ZPLD1: variants seen among roughly 807,000 people sequenced by gnomAD.
The protein encoded by ZPLD1 is zona pellucida-like domain-containing protein 1.
In ZPLD1, 34 loss-of-function variants were observed where a neutral mutation model predicts 47.2. That is an observed-to-expected ratio of 0.72 (90% CI 0.55 to 0.96). The LOEUF (loss-of-function observed/expected upper bound fraction) is 0.96, where lower values mean the gene tolerates loss of function less well. Ranked by LOEUF, ZPLD1 falls within the 40% of genes least tolerant of loss-of-function variation. The pLI, the probability that ZPLD1 is intolerant of heterozygous loss-of-function variation, is 0.00. For missense variants in ZPLD1, 512 were observed against 505.8 expected (o/e 1.01, Z -0.12); for synonymous variants, 176 against 186.2 (o/e 0.95, Z 0.45).
chr3:102,454,393 A>G (rs905578380), intron 4 of ZPLD1, among the ~76,000 whole-genome samples: 1 of 152,144 alleles, frequency 6.6e-6, no homozygotes, highest in Non-Finnish European at 1.5e-5. Context: ...CTATGTGGAG[A>G]TGAGCAGCAT....
chr3:102,447,313 T>A (rs1223524572), intron 3 of ZPLD1, among the ~76,000 whole-genome samples: 9 of 152,114 alleles, frequency 5.9e-5, no homozygotes, highest in African/African-American at 1.9e-4. Flanking sequence ...ATCCACCCAC[T>A]TCGGCCTTCC....
rs1462855994 is a variant in ZPLD1 at position 102,444,873 on chromosome 3, GGA to G, written c.106+6281_106+6282del. ...CAATACTAATGTGATGATATTCACA[GGA>G]ATCTCTGCATCTGAACCGTACAGAG... On this transcript the variant is annotated intron_variant, in intron 3 of 11. Transcript: ENST00000466937. Among the ~76,000 whole-genome samples the G allele has an allele frequency of 7.4e-3, 1,122 of 152,200 alleles. 12 individuals are homozygous for G. Among genetic ancestry groups the G allele is most frequent in the African/African-American group, 0.025 (1,040 of 41,530 alleles).
rs141548819 is a variant in ZPLD1 at position 102,417,256 on chromosome 3, G to C, written c.-156-804G>C. Reference sequence around the variant, plus strand: ...GGAGTAATATAAATCAATACAAAAGGCTTCAATCTTCCACACAGTTATCCC... The same window carrying C: ...GGAGTAATATAAATCAATACAAAAGCCTTCAATCTTCCACACAGTTATCCC... On this transcript the variant is annotated intron_variant, in intron 7 of 17. Transcript: ENST00000491959. Among the ~76,000 whole-genome samples the C allele has an allele frequency of 6.3e-3, 954 of 152,032 alleles. 15 individuals carry two copies. Among genetic ancestry groups the C allele is most frequent in the African/African-American group, 0.022 (908 of 41,514 alleles).
intron 7 of ZPLD1, among the ~76,000 whole-genome samples, chr3:102,417,032 G>A (rs971481138): frequency 2.6e-5 from 4 of 151,610 alleles, no homozygotes; most frequent in Admixed American, 1.3e-4. Flanking sequence ...TTAAGAGGCC[G>A]AACTCTTAGA....
At chr3:102,470,871 C>T (rs745593412) in intron 10 of ZPLD1, among the ~76,000 whole-genome samples, 16 of 150,998 alleles carry the variant, frequency 1.1e-4, no homozygotes, top group South Asian at 6.3e-4. Context: ...CTCCGCCTCC[C>T]GGGTTCAAGA....
At chr3:102,417,674 T>C (rs1706824847) in intron 7 of ZPLD1, among the ~76,000 whole-genome samples, 2 of 151,964 alleles carry the variant, frequency 1.3e-5, no homozygotes, top group South Asian at 2.1e-4. Context: ...GCATGAAATG[T>C]AGTATTGAAA....
chr3:102,425,986 C>G (rs895650256), intron 8 of ZPLD1, among the ~76,000 whole-genome samples: 3 of 151,604 alleles, frequency 2.0e-5, no homozygotes, highest in Non-Finnish European at 4.4e-5. Flanking sequence ...GTGAGTTATT[C>G]AAGATACCAC....
At chr3:102,424,261 T>G (rs1361321396) in intron 8 of ZPLD1, among the ~76,000 whole-genome samples, 2 of 152,142 alleles carry the variant, frequency 1.3e-5, no homozygotes, top group Non-Finnish European at 2.9e-5. Context: ...GCATTTCCTT[T>G]CTCTGCCATC....
intron 8 of ZPLD1, among the ~76,000 whole-genome samples, chr3:102,419,604 C>A (rs1706852091): frequency 6.6e-6 from 1 of 151,474 alleles, no homozygotes; most frequent in Admixed American, 6.6e-5. Context: ...CTTAAAAGGG[C>A]CTATAATAAT....
In ZPLD1 at chr3:102,470,448, C is replaced by T. The variant is rs777012894; in HGVS notation, c.988C>T (p.Gln330Ter). 1 of 1,614,058 alleles carries T rather than the reference C, an allele frequency of 6.2e-7. No homozygotes were observed. The highest frequency in any genetic ancestry group is 8.5e-7 in the Non-Finnish European group (1 of 1,180,014). Residue 330 changes from glutamine to a stop codon, truncating the protein, a stop_gained, in exon 10 of 12, where the codon CAG becomes TAG. Coordinates refer to ENST00000466937, the MANE Select transcript of ZPLD1 (RefSeq NM_001329788.2). LOFTEE classifies it high-confidence loss of function. ...DAGRRTTWSPQSSSGSAVLSA... is the reference protein window; with the variant it reads ...DAGRRTTWSP The stretch of plus-strand genomic sequence containing the variant: ...TGGGAGGAGGACGACTTGGAGCCCC[C>T]AGAGCTCTTCTGGCAGCGCGGTGCT...
intron 7 of ZPLD1, among the ~76,000 whole-genome samples, chr3:102,394,335 A>G (rs1706533843): frequency 6.6e-6 from 1 of 152,150 alleles, no homozygotes; most frequent in African/African-American, 2.4e-5. Context: ...ATAACATCAA[A>G]CACCCACAGT....
chr3:102,435,018 AG>A lies in ZPLD1; in HGVS notation c.-256del, dbSNP rs1204776846. On this transcript the variant is annotated 5_prime_UTR_variant, in exon 1 of 12. Coordinates refer to ENST00000466937, the MANE Select transcript of ZPLD1 (RefSeq NM_001329788.2). The stretch of plus-strand genomic sequence containing the variant: ...GATGATATGTTTTTGAGGAATGTAA[AG>A]GGTGTTAACATAATCCCCCAATCCC... The A allele has an allele frequency of 8.9e-6, 12 of 1,347,810 alleles. No individual in the cohort carries two copies. Among genetic ancestry groups the A allele is most frequent in the Non-Finnish European group, 9.5e-6 (9 of 944,002 alleles). 83.5% of individuals were successfully genotyped at this position (1,347,810 alleles called of 1,614,324 possible). A position where few individuals can be genotyped will look rare whatever the true frequency, so the allele number is the denominator to read the frequency against.
chr3:102,404,148 A>G (rs1333097675), intron 7 of ZPLD1, among the ~76,000 whole-genome samples: 1 of 151,982 alleles, frequency 6.6e-6, no homozygotes, highest in Admixed American at 6.6e-5. Flanking sequence ...CTTATTTACA[A>G]GGTTAATTCC....
At chr3:102,410,369 T>C (rs1706736200) in intron 7 of ZPLD1, among the ~76,000 whole-genome samples, 1 of 151,792 alleles carries the variant, frequency 6.6e-6, no homozygotes, top group Non-Finnish European at 1.5e-5. Flanking sequence ...TTTCTATTAC[T>C]ACACAGATTA....
chr3:102,465,429 C>T (rs1012631047), intron 8 of ZPLD1, among the ~76,000 whole-genome samples: 29 of 152,206 alleles, frequency 1.9e-4, no homozygotes, highest in African/African-American at 6.7e-4. Flanking sequence ...GATTCTTTAA[C>T]ATTTAAAGGT....
In ZPLD1 at chr3:102,453,094, T is replaced by A; in HGVS notation, c.282T>A (p.Phe94Leu). 3.7e-6 allele frequency: 6 copies of A among 1,614,110 alleles called. No individual in the cohort carries two copies. The highest frequency in any genetic ancestry group is 3.4e-6 in the Non-Finnish European group (4 of 1,179,996). ...ACACCTTTCCAGCAGTGGTCATTTT[T>A]ATCATCAATCTCAGCACCTTGGAGG... is the stretch of plus-strand genomic sequence containing the variant. The part of the protein sequence containing the change: ...NNNTFPAVVI[F>L]IINLSTLEGC... Residue 94 changes from phenylalanine (F) to leucine (L), a missense_variant, in exon 4 of 12, where the codon TTT becomes TTA. Transcript: ENST00000466937.
chr3:102,406,838 A>G (rs1034084225), intron 7 of ZPLD1, among the ~76,000 whole-genome samples: 5 of 151,904 alleles, frequency 3.3e-5, no homozygotes, highest in Non-Finnish European at 7.4e-5. Flanking sequence ...TCAGAATTGC[A>G]TTTTCCAATT....
intron 6 of ZPLD1, among the ~76,000 whole-genome samples, chr3:102,459,856 G>A (rs931735210): frequency 6.6e-6 from 1 of 152,006 alleles, no homozygotes; most frequent in South Asian, 2.1e-4. Context: ...ATTAACCAAA[G>A]TCCATAGTTG....
intron 7 of ZPLD1, among the ~76,000 whole-genome samples, chr3:102,403,195 C>G (rs1008774889): frequency 1.6e-4 from 25 of 151,716 alleles, no homozygotes; most frequent in African/African-American, 5.6e-4. Flanking sequence ...TTTATATTTA[C>G]TATTGTGGAT....
Sources: allele counts gnomAD v4.1 joint callset (sites outside exome capture counted in the v4.1 genomes callset), GRCh38; gene constraint gnomAD v4.1.1; transcripts MANE v1.5; gene names NCBI Gene and HGNC (gene_info 2026-07-23, HGNC 2026-07-21).